FBXL7: variants seen among roughly 807,000 people sequenced by gnomAD.
FBXL7 encodes F-box and leucine rich repeat protein 7.
In FBXL7, 12 loss-of-function variants were observed where a neutral mutation model predicts 38.3. The ratio of observed to expected loss-of-function variants is 0.31; its 90% CI spans 0.20 to 0.51. The LOEUF (loss-of-function observed/expected upper bound fraction) is 0.51. Among genes scored for constraint, FBXL7 ranks in the 20% least tolerant of loss-of-function variants. The pLI is 0.98. For missense variants in FBXL7, 567 were observed against 676.4 expected (o/e 0.84, Z 1.79); for synonymous variants, 297 against 300.9 (o/e 0.99, Z 0.13).
At chr5:15,822,622 C>CTT (rs371800054) in intron 2 of FBXL7, among the ~76,000 whole-genome samples, 2,206 of 131,732 alleles carry the variant, frequency 0.017, 55 homozygotes, top group African/African-American at 0.042. Flanking sequence ...GCTGGTTGCT[C>CTT]TTTTTTTTTT....
intron 2 of FBXL7, among the ~76,000 whole-genome samples, chr5:15,893,097 C>T (rs1579579780): frequency 6.9e-6 from 1 of 144,904 alleles, no homozygotes; most frequent in Non-Finnish European, 1.5e-5. Context: ...GCCTGGGTGA[C>T]AGAGTGAGAC....
chr5:15,687,613 A>G lies in FBXL7; in HGVS notation c.127+71541A>G, dbSNP rs370371251. ...TCTCAACTGGTGTAGCACTGCCCTCAAGGCTGTGAGAATTCAGCGGGAAAT... is the reference window on the plus strand; with the variant it reads ...TCTCAACTGGTGTAGCACTGCCCTCGAGGCTGTGAGAATTCAGCGGGAAAT... On this transcript the variant is annotated intron_variant, in intron 2 of 3. Coordinates refer to ENST00000504595, the MANE Select transcript of FBXL7 (RefSeq NM_012304.5). Among the ~76,000 whole-genome samples, 20 of 152,286 alleles carry G rather than the reference A, an allele frequency of 1.3e-4. 1 individual carries two copies. The South Asian group carries it at 3.9e-3, about 30-fold the overall frequency.
At position 15,936,719 on chromosome 5, in the gene FBXL7, G is replaced by A. The variant is rs1241090597; in HGVS notation, c.1009G>A (p.Val337Ile). 1.9e-6 allele frequency: 3 copies of A among 1,608,490 alleles called. No individual in the cohort carries two copies. The highest frequency in any genetic ancestry group is 2.5e-6 in the Non-Finnish European group (3 of 1,179,450). Residue 337 changes from valine (V) to isoleucine (I), a missense_variant, in exon 4 of 4, where the codon GTC (valine) becomes ATC (isoleucine). Transcript: ENST00000504595. The surrounding 1 kb of genome is among the most constrained non-coding windows in gnomAD (Gnocchi z 6.0). ...KELSVSDCRF[V>I]SDFGLREIAK... ...GCTGAGCGTCAGCGACTGCCGCTTC[G>A]TCAGCGACTTCGGCCTGCGGGAGAT... is the stretch of plus-strand genomic sequence containing the variant.
At chr5:15,613,917 T>C (rs1052082632) in intron 1 of FBXL7, among the ~76,000 whole-genome samples, 2 of 152,152 alleles carry the variant, frequency 1.3e-5, no homozygotes, top group Admixed American at 1.3e-4. Flanking sequence ...GAGGATGCAC[T>C]TCCTACTTTA....
At chr5:15,566,015 C>T (rs1738563046) in intron 1 of FBXL7, among the ~76,000 whole-genome samples, 1 of 152,014 alleles carries the variant, frequency 6.6e-6, no homozygotes, top group Non-Finnish European at 1.5e-5. Context: ...TGAATCATCA[C>T]ACGTGTAAAA....
At chr5:15,849,177 G>A (rs143116085) in intron 2 of FBXL7, among the ~76,000 whole-genome samples, 82 of 151,806 alleles carry the variant, frequency 5.4e-4, no homozygotes, top group African/African-American at 1.9e-3. Flanking sequence ...CAAACTTAAA[G>A]CCAAATTTAA....
intron 2 of FBXL7, among the ~76,000 whole-genome samples, chr5:15,727,993 T>A (rs1039389751): frequency 2.0e-5 from 3 of 152,218 alleles, no homozygotes; most frequent in Non-Finnish European, 4.4e-5. Flanking sequence ...TTCTTCTGCC[T>A]GTTCAAATCT....
intron 1 of FBXL7, among the ~76,000 whole-genome samples, chr5:15,519,445 A>C (rs1218799041): frequency 7.4e-6 from 1 of 135,522 alleles, no homozygotes; most frequent in African/African-American, 3.1e-5. Flanking sequence ...CTTAGAAAAC[A>C]AAAAAAAAAA....
intron 2 of FBXL7, among the ~76,000 whole-genome samples, chr5:15,883,150 A>T (rs1336065155): frequency 6.6e-6 from 1 of 152,172 alleles, no homozygotes; most frequent in Non-Finnish European, 1.5e-5. Context: ...CAAGCATTTA[A>T]GTTAAGGTAG....
chr5:15,891,540 T>G (rs1459390357), intron 2 of FBXL7, among the ~76,000 whole-genome samples: 1 of 152,216 alleles, frequency 6.6e-6, no homozygotes, highest in African/African-American at 2.4e-5. Context: ...GATGATGTCC[T>G]TTGAGCTTAC....
intron 1 of FBXL7, among the ~76,000 whole-genome samples, chr5:15,612,128 C>T (rs775926903): frequency 6.4e-4 from 97 of 152,112 alleles, no homozygotes; most frequent in Middle Eastern, 3.4e-3. Flanking sequence ...TCCACCCCCC[C>T]AAGAAACAAT....
At chr5:15,905,232 CTTAAAA>C (rs1178551228) in intron 2 of FBXL7, among the ~76,000 whole-genome samples, 1 of 152,224 alleles carries the variant, frequency 6.6e-6, no homozygotes, top group Non-Finnish European at 1.5e-5. Context: ...TTCAAATGAA[CTTAAAA>C]TTAATTCTAA....
chr5:15,817,298 A>AT (rs1738044121), intron 2 of FBXL7, among the ~76,000 whole-genome samples: 1 of 151,828 alleles, frequency 6.6e-6, no homozygotes, highest in African/African-American at 2.4e-5. Flanking sequence ...ACTTTTGCTA[A>AT]CTTTTTTTTT....
At chr5:15,850,355 C>CT (rs1217165133) in intron 2 of FBXL7, among the ~76,000 whole-genome samples, 1 of 152,182 alleles carries the variant, frequency 6.6e-6, no homozygotes, top group Non-Finnish European at 1.5e-5. Context: ...CAGTTGGGCT[C>CT]TAAGAGCTAA....
chr5:15,550,727 GCAAC>G (rs1203013158), intron 1 of FBXL7, among the ~76,000 whole-genome samples: 5 of 152,200 alleles, frequency 3.3e-5, no homozygotes, highest in African/African-American at 1.2e-4. Flanking sequence ...TCTCTTTGTG[GCAAC>G]CCAAGTTCTC....
At chr5:15,566,469 T>C (rs1477179530) in intron 1 of FBXL7, among the ~76,000 whole-genome samples, 1 of 152,140 alleles carries the variant, frequency 6.6e-6, no homozygotes, top group Non-Finnish European at 1.5e-5. Context: ...TTAATTCAGT[T>C]CAGTCAACTT....
At chr5:15,590,475 G>T (rs1739438006) in intron 1 of FBXL7, among the ~76,000 whole-genome samples, 1 of 151,714 alleles carries the variant, frequency 6.6e-6, no homozygotes, top group South Asian at 2.1e-4. Flanking sequence ...CCCTACCATG[G>T]TCTGCAAGAC....
At chr5:15,608,951 G>A (rs1367993468) in intron 1 of FBXL7, among the ~76,000 whole-genome samples, 2 of 152,170 alleles carry the variant, frequency 1.3e-5, no homozygotes, top group Admixed American at 6.6e-5. Flanking sequence ...TTTTATCCCC[G>A]TGTTACTGGC....
At chr5:15,541,443 G>GTGTGTATATA (rs1264820921) in intron 1 of FBXL7, among the ~76,000 whole-genome samples, 9 of 38,444 alleles carry the variant, frequency 2.3e-4, no homozygotes, top group African/African-American at 1.9e-4. Flanking sequence ...GTGTGTGTGT[G>GTGTGTATATA]TATATATATA....
Sources: gnomAD v4.1 joint callset for allele counts (sites outside exome capture counted in the v4.1 genomes callset) on GRCh38, gnomAD v4.1.1 for gene constraint, Gnocchi (gnomAD v3.1) non-coding constraint, MANE v1.5 for transcripts, NCBI Gene and HGNC (gene_info 2026-07-23, HGNC 2026-07-21) for gene names.